TRIM9: variants seen among roughly 807,000 people sequenced by gnomAD.
The protein encoded by TRIM9 is E3 ubiquitin-protein ligase TRIM9.
A neutral mutation model predicts 78.3 loss-of-function variants in TRIM9; 26 were observed. The observed-to-expected ratio is 0.33, with a 90% CI of 0.24 to 0.46. The LOEUF (loss-of-function observed/expected upper bound fraction) is 0.46, where lower values mean the gene tolerates loss of function less well. Among genes scored for constraint, TRIM9 ranks in the 20% least tolerant of loss-of-function variants. The probability of loss-of-function intolerance (pLI) is 1.00; values close to 1 mark genes in which losing one functional copy is unlikely to be tolerated. For missense variants in TRIM9, 787 were observed against 1,036.4 expected, an observed-to-expected ratio of 0.76 and a Z score of 3.30; for synonymous variants, 398 against 416.5, an observed-to-expected ratio of 0.96 and a Z score of 0.54.
chr14:51,049,684 G>C (rs1331639362), intron 1 of TRIM9, among the ~76,000 whole-genome samples: 1 of 151,852 alleles, frequency 6.6e-6, no homozygotes, highest in African/African-American at 2.4e-5. Context: ...AAATTAGTTG[G>C]GTGTGGTGGT....
intron 1 of TRIM9, among the ~76,000 whole-genome samples, chr14:51,066,691 T>C (rs1047745335): frequency 5.9e-5 from 9 of 152,232 alleles, no homozygotes; most frequent in African/African-American, 2.2e-4. Context: ...AGCACTCCAG[T>C]CTGCTGCGTG....
At chr14:51,062,516 G>T (rs1428076512) in intron 1 of TRIM9, among the ~76,000 whole-genome samples, 1 of 152,130 alleles carries the variant, frequency 6.6e-6, no homozygotes. Flanking sequence ...AAAACTATTT[G>T]AAGGCATTGG....
At chr14:51,092,997 A>C (rs1022066429) in intron 1 of TRIM9, among the ~76,000 whole-genome samples, 2 of 152,138 alleles carry the variant, frequency 1.3e-5, no homozygotes, top group Non-Finnish European at 2.9e-5. Flanking sequence ...AGGCTGAATG[A>C]ACACCAAATG....
At chr14:51,071,543 T>C (rs2062267291) in intron 1 of TRIM9, among the ~76,000 whole-genome samples, 2 of 152,074 alleles carry the variant, frequency 1.3e-5, no homozygotes, top group Admixed American at 6.5e-5. Context: ...TTTACACCTG[T>C]AATCCCACCA....
chr14:51,012,129 T>A (rs1051244555), intron 3 of TRIM9, among the ~76,000 whole-genome samples: 1 of 152,240 alleles, frequency 6.6e-6, no homozygotes, highest in African/African-American at 2.4e-5. Context: ...TTCCGTGGCA[T>A]TAAGTACTTT....
At chr14:51,010,841 G>T (rs561271806) in intron 3 of TRIM9, among the ~76,000 whole-genome samples, 1 of 152,106 alleles carries the variant, frequency 6.6e-6, no homozygotes, top group African/African-American at 2.4e-5. Context: ...GTTTGCTGGG[G>T]GGTCTGTGGA....
At chr14:50,995,248 C>T (rs2054053808) in intron 7 of TRIM9, among the ~76,000 whole-genome samples, 1 of 152,118 alleles carries the variant, frequency 6.6e-6, no homozygotes, top group South Asian at 2.1e-4. Context: ...ATTTTATCTT[C>T]CTGCTAATCC....
At chr14:51,064,458 C>T (rs1036016362) in intron 1 of TRIM9, among the ~76,000 whole-genome samples, 8 of 151,426 alleles carry the variant, frequency 5.3e-5, no homozygotes, top group Admixed American at 1.3e-4. Flanking sequence ...TAAGTCCCAA[C>T]TATAATTATC....
intron 1 of TRIM9, among the ~76,000 whole-genome samples, chr14:51,036,371 T>G (rs2059154185): frequency 2.0e-5 from 3 of 152,230 alleles, no homozygotes; most frequent in Admixed American, 2.0e-4. Flanking sequence ...ACTCGCCTTA[T>G]TTTGTTACTG....
intron 7 of TRIM9, among the ~76,000 whole-genome samples, chr14:50,995,467 G>GA (rs773423389): frequency 8.6e-5 from 13 of 152,038 alleles, no homozygotes; most frequent in East Asian, 1.9e-4. Flanking sequence ...TGCTTTCGAA[G>GA]AAAAAACCAA....
chr14:51,041,650 T>A (rs2059585761), intron 1 of TRIM9, among the ~76,000 whole-genome samples: 1 of 152,276 alleles, frequency 6.6e-6, no homozygotes, highest in Non-Finnish European at 1.5e-5. Context: ...TTTCTCATTA[T>A]CTATTTCTCT....
chr14:50,982,009 C>T lies in TRIM9; in HGVS notation c.1953G>A (p.Arg651=), dbSNP rs2051983681. Reference sequence around the variant, plus strand: ...AGAAGCCAGTCTTCCCTAGCACCACCCGGTCATCATAGCTACTACAGGTCA... The same window carrying T: ...AGAAGCCAGTCTTCCCTAGCACCACTCGGTCATCATAGCTACTACAGGTCA... ...LTVTCSSYDD[R]VVLGKTGFSK... The change falls in exon 11 of 13, where the codon CGG becomes CGA. Residue 651 remains arginine (R), a synonymous_variant. Transcript: ENST00000684578. 6.2e-7 allele frequency: 1 copy of T among 1,614,138 alleles called. No homozygotes were observed.
At position 51,094,271 on chromosome 14, in the gene TRIM9, T is replaced by C; in HGVS notation, c.669A>G (p.Pro223=). The change falls in exon 1 of 13, where the codon CCA becomes CCG. Residue 223 remains proline (P), a synonymous_variant. Transcript: ENST00000684578. The stretch of plus-strand genomic sequence containing the variant: ...GGTCTGTGCAGGTGGAGACCTTGCG[T>C]GGGCTCAGCCTCCGGCTCACACGAC... ...AQGRVSRRLS[P]RKVSTCTDHE... is the part of the protein sequence containing the mutation. The C allele has an allele frequency of 1.2e-6, 2 of 1,614,112 alleles. No individual in the cohort carries two copies. The highest frequency in any genetic ancestry group is 1.3e-5 in the African/African-American group (1 of 75,070).
rs2058118007 is a variant in TRIM9 at position 51,025,360 on chromosome 14, T to C, written c.823A>G (p.Ser275Gly). 1 of 1,614,000 alleles carries C rather than the reference T, an allele frequency of 6.2e-7. No individual in the cohort carries two copies. Among genetic ancestry groups the C allele is most frequent in the Non-Finnish European group, 8.5e-7 (1 of 1,179,952 alleles). ...ALGAMWKLHK[S>G]QLSQALNGLS... ...CCGTTCAGCGCCTGGGAGAGCTGGCTCTGCAAAGACAAAGAAGGAAGCCAT... is the reference window on the plus strand; with the variant it reads ...CCGTTCAGCGCCTGGGAGAGCTGGCCCTGCAAAGACAAAGAAGGAAGCCAT... The change falls in exon 2 of 13, where the codon AGC becomes GGC. Residue 275 changes from serine to glycine, a missense_variant and splice_region_variant. This residue lies in a region of TRIM9 where 352 missense variants were observed against 472.3 expected (regional missense o/e 0.75). Transcript: ENST00000684578.
At chr14:51,074,263 A>G (rs1020576726) in intron 1 of TRIM9, among the ~76,000 whole-genome samples, 2 of 152,216 alleles carry the variant, frequency 1.3e-5, no homozygotes, top group South Asian at 4.1e-4. Context: ...TACAAAAAAA[A>G]AGTAATGGAA....
chr14:50,997,439 T>A, intron 7 of TRIM9: 2 of 985,594 alleles, frequency 2.0e-6, no homozygotes, highest in African/African-American at 1.7e-5. Context: ...GGTCTCTTCC[T>A]GTTTGGTGCC....
intron 1 of TRIM9, among the ~76,000 whole-genome samples, chr14:51,091,706 T>C (rs1051498413): frequency 6.6e-6 from 1 of 152,230 alleles, no homozygotes; most frequent in African/African-American, 2.4e-5. Context: ...AATCCTCATA[T>C]TGACTGAACA....
At chr14:51,041,476 A>T (rs750950025) in intron 1 of TRIM9, among the ~76,000 whole-genome samples, 1 of 152,234 alleles carries the variant, frequency 6.6e-6, no homozygotes, top group Non-Finnish European at 1.5e-5. Flanking sequence ...AATGTCAATG[A>T]TGTTTCAATC....
intron 7 of TRIM9, among the ~76,000 whole-genome samples, chr14:50,986,644 G>T (rs556647183): frequency 6.6e-6 from 1 of 152,204 alleles, no homozygotes; most frequent in South Asian, 2.1e-4. Context: ...TTTTCTATTA[G>T]ATGGATGAGC....
Sources: gnomAD v4.1 joint callset for allele counts (sites outside exome capture counted in the v4.1 genomes callset) on GRCh38, gnomAD v4.1.1 for gene constraint, gnomAD v4.1.1 regional missense constraint, MANE v1.5 for transcripts, NCBI Gene and HGNC (gene_info 2026-07-23, HGNC 2026-07-21) for gene names.